The following MYRIP variants were observed in gnomAD, a reference collection of about 807,000 sequenced individuals.
MYRIP encodes myosin VIIA and Rab interacting protein, also known as rab effector MyRIP.
A neutral mutation model predicts 98.0 loss-of-function variants in MYRIP; 49 were observed. The observed-to-expected ratio is 0.50, with a 90% CI of 0.40 to 0.63. MYRIP has a LOEUF of 0.63. Ranked by LOEUF, MYRIP falls within the 30% of genes least tolerant of loss-of-function variation. The pLI is 0.00. For synonymous variants in MYRIP, 404 were observed against 409.5 expected (o/e 0.99, Z 0.16); for missense variants, 1,004 against 1,058.2 (o/e 0.95, Z 0.71).
At chr3:39,852,832 G>A (rs1942175288) in intron 1 of MYRIP, among the ~76,000 whole-genome samples, 1 of 152,094 alleles carries the variant, frequency 6.6e-6, no homozygotes, top group Admixed American at 6.5e-5. Context: ...CCAGACTGGA[G>A]TGCAGTGGCA....
chr3:40,213,412 G>A (rs939231223), intron 11 of MYRIP, among the ~76,000 whole-genome samples: 26 of 152,290 alleles, frequency 1.7e-4, no homozygotes, highest in South Asian at 8.3e-4. Context: ...CCATCTGCTG[G>A]TACTGAAGGA....
intron 3 of MYRIP, among the ~76,000 whole-genome samples, chr3:40,137,611 T>G (rs1055902445): frequency 1.2e-4 from 18 of 152,280 alleles, no homozygotes; most frequent in African/African-American, 4.1e-4. Context: ...ATATCCTTGA[T>G]GAACATCGAT....
chr3:39,876,702 G>A (rs1326291175), intron 1 of MYRIP, among the ~76,000 whole-genome samples: 5 of 152,152 alleles, frequency 3.3e-5, no homozygotes, highest in Admixed American at 2.0e-4. Context: ...AGTTTCTGCC[G>A]AGAGATCTGC....
At chr3:39,867,550 A>C (rs1234293234) in intron 1 of MYRIP, among the ~76,000 whole-genome samples, 1 of 152,244 alleles carries the variant, frequency 6.6e-6, no homozygotes, top group Non-Finnish European at 1.5e-5. Context: ...TATATGAAAA[A>C]GTGCTCAACA....
chr3:39,929,947 G>A (rs2125698915), intron 2 of MYRIP, among the ~76,000 whole-genome samples: 1 of 151,768 alleles, frequency 6.6e-6, no homozygotes, highest in South Asian at 2.1e-4. Flanking sequence ...TCATTTTTTT[G>A]TTTACCCATT....
intron 3 of MYRIP, among the ~76,000 whole-genome samples, chr3:40,104,203 C>T (rs1273209765): frequency 6.6e-6 from 1 of 152,078 alleles, no homozygotes; most frequent in Non-Finnish European, 1.5e-5. Flanking sequence ...TTTTTAAATA[C>T]CATGTCTCTG....
intron 1 of MYRIP, among the ~76,000 whole-genome samples, chr3:39,862,971 A>G (rs1172931749): frequency 6.6e-6 from 1 of 152,246 alleles, no homozygotes; most frequent in African/African-American, 2.4e-5. Flanking sequence ...GCAATAAAAA[A>G]TAGAAGTCAA....
chr3:40,157,407 T>C (rs75551827), intron 4 of MYRIP, among the ~76,000 whole-genome samples: 8,041 of 140,858 alleles, frequency 0.057, 194 homozygotes, highest in Middle Eastern at 0.088. Context: ...CAGTATTTTA[T>C]TGAGGATTTT....
intron 3 of MYRIP, among the ~76,000 whole-genome samples, chr3:40,078,091 C>G (rs1194453778): frequency 2.0e-5 from 3 of 152,254 alleles, no homozygotes; most frequent in African/African-American, 7.2e-5. Context: ...CAGCTAAGGC[C>G]CGATGAGAAA....
intron 1 of MYRIP, among the ~76,000 whole-genome samples, chr3:39,848,723 G>A (rs1047579734): frequency 2.6e-5 from 4 of 152,206 alleles, no homozygotes; most frequent in Admixed American, 6.5e-5. Context: ...ATACACTTGA[G>A]ATTCATCAGT....
chr3:39,909,137 T>A (rs1943955335), intron 2 of MYRIP, among the ~76,000 whole-genome samples: 1 of 152,058 alleles, frequency 6.6e-6, no homozygotes, highest in South Asian at 2.1e-4. Context: ...CACTTTGTGA[T>A]GGGGGAAGGC....
chr3:40,094,859 T>C (rs1227676765), intron 3 of MYRIP, among the ~76,000 whole-genome samples: 1 of 152,200 alleles, frequency 6.6e-6, no homozygotes, highest in African/African-American at 2.4e-5. Flanking sequence ...TGAGCTGCAG[T>C]TTCAGACTTC....
At position 40,133,900 on chromosome 3, in the gene MYRIP, G is replaced by C. The variant is rs187955272; in HGVS notation, c.333-17148G>C. Among the ~76,000 whole-genome samples the C allele has an allele frequency of 4.4e-3, 672 of 152,294 alleles. 8 individuals are homozygous for C. Among genetic ancestry groups the C allele is most frequent in the Non-Finnish European group, 4.5e-3 (303 of 68,030 alleles). ...GCATAGATTTTAAGAAGACAAGGGG[G>C]TGGAGCCAAGATGGCCGAGTAGGAA... On this transcript the variant is annotated intron_variant, in intron 3 of 16. Transcript: ENST00000302541.
At chr3:40,258,075 T>C (rs1575690982) in intron 16 of MYRIP, 59 bp from the exon 17 acceptor site, 1 of 1,580,198 alleles carries the variant, frequency 6.3e-7, no homozygotes. Flanking sequence ...TTATTTTTCA[T>C]TGCTTCTTCT....
At chr3:40,135,826 C>A (rs1253435445) in intron 3 of MYRIP, among the ~76,000 whole-genome samples, 5 of 152,180 alleles carry the variant, frequency 3.3e-5, no homozygotes, top group African/African-American at 9.7e-5. Flanking sequence ...TACAGACAAG[C>A]AAATGCTGAG....
At chr3:40,107,018 A>C (rs1377699695) in intron 3 of MYRIP, among the ~76,000 whole-genome samples, 3 of 152,230 alleles carry the variant, frequency 2.0e-5, no homozygotes, top group African/African-American at 7.2e-5. Flanking sequence ...TTGACATATA[A>C]GATGATAATT....
chr3:40,060,579 CTTTT>C (rs1046451919), intron 3 of MYRIP, among the ~76,000 whole-genome samples: 1 of 96,128 alleles, frequency 1.0e-5, no homozygotes, highest in South Asian at 3.8e-4. Flanking sequence ...ATTAGATTTT[CTTTT>C]TTTTTCTTTT....
chr3:40,213,283 C>T (rs943384294), intron 11 of MYRIP, among the ~76,000 whole-genome samples: 2 of 152,132 alleles, frequency 1.3e-5, no homozygotes, highest in African/African-American at 4.8e-5. Flanking sequence ...TAATCATAAC[C>T]CCTTATAGGG....
intron 1 of MYRIP, among the ~76,000 whole-genome samples, chr3:39,895,379 G>T (rs143465768): frequency 0.024 from 3,674 of 151,988 alleles, 104 homozygotes; most frequent in East Asian, 0.089. Context: ...TAGAGACGGG[G>T]TTTCACCATA....
Sources: allele counts gnomAD v4.1 joint callset (sites outside exome capture counted in the v4.1 genomes callset), GRCh38; gene constraint gnomAD v4.1.1; transcripts MANE v1.5; gene names NCBI Gene and HGNC (gene_info 2026-07-23, HGNC 2026-07-21).